MSH6: variants seen among roughly 807,000 people sequenced by gnomAD.
MSH6 encodes the protein DNA mismatch repair protein Msh6.
A neutral mutation model predicts 119.1 loss-of-function variants in MSH6; 85 were observed. The observed-to-expected ratio is 0.71, with a 90% CI of 0.60 to 0.85. The LOEUF (loss-of-function observed/expected upper bound fraction) is 0.85, where lower values mean the gene tolerates loss of function less well. Ranked by LOEUF, MSH6 falls within the 40% of genes least tolerant of loss-of-function variation. The pLI is 0.00. For synonymous variants in MSH6, 830 were observed against 586.9 expected (o/e 1.41, Z -5.99); for missense variants, 2,163 against 1,655.3 (o/e 1.31, Z -5.32).
At chr2:47,787,258 C>G (rs1421456712) in intron 1 of MSH6, among the ~76,000 whole-genome samples, 1 of 152,032 alleles carries the variant, frequency 6.6e-6, no homozygotes, top group Non-Finnish European at 1.5e-5. Context: ...GCCATGCACT[C>G]CAGCCTGGGT....
Position 47,790,978 on chromosome 2 carries a change from C to A in MSH6, c.312C>A (p.Pro104=), listed in dbSNP as rs1558651946. Residue 104 remains proline, a synonymous_variant, in exon 2 of 10, where the codon CCC becomes CCA. Coordinates refer to ENST00000234420, the MANE Select transcript of MSH6 (RefSeq NM_000179.3). ...DLVWAKMEGY[P]WWPCLVYNHP... is the part of the protein sequence containing the mutation. ...TTTGGGCCAAGATGGAGGGTTACCCCTGGTGGCCTTGTCTGGTTTACAACC... is the reference window on the plus strand; with the variant it reads ...TTTGGGCCAAGATGGAGGGTTACCCATGGTGGCCTTGTCTGGTTTACAACC... 1 of 1,614,226 alleles carries A rather than the reference C, an allele frequency of 6.2e-7. No individual in the cohort carries two copies. Among genetic ancestry groups the A allele is most frequent in the Non-Finnish European group, 8.5e-7 (1 of 1,180,054 alleles).
rs1389565996 is a variant in MSH6 at position 47,804,912 on chromosome 2, T to G, written c.3441T>G (p.Ala1147=). ...MGGKSTLMRQ[A]GLLAVMAQMG... ...ACCTTTTCCTCCCTCATTCACAGGC[T>G]GGCTTATTAGCTGTAATGGCCCAGA... Residue 1147 remains alanine, a splice_region_variant and synonymous_variant, in exon 6 of 10, where the codon GCT becomes GCG. Coordinates refer to ENST00000234420, the MANE Select transcript of MSH6 (RefSeq NM_000179.3). 3.7e-6 allele frequency: 6 copies of G among 1,613,142 alleles called. No individual in the cohort carries two copies. Among genetic ancestry groups the G allele is most frequent in the Non-Finnish European group, 5.1e-6 (6 of 1,179,070 alleles).
At chr2:47,793,838 C>G (rs1668907129) in intron 2 of MSH6, among the ~76,000 whole-genome samples, 1 of 151,404 alleles carries the variant, frequency 6.6e-6, no homozygotes, top group Non-Finnish European at 1.5e-5. Context: ...TCAAGCGATT[C>G]TCCTGCCTCT....
intron 4 of MSH6, 140 bp downstream of exon 4, chr2:47,801,295 C>T: frequency 1.3e-6 from 1 of 780,018 alleles, no homozygotes; most frequent in Middle Eastern, 3.9e-4. Context: ...CCTGACTAGG[C>T]TGCCCACAGC....
intron 1 of MSH6, among the ~76,000 whole-genome samples, chr2:47,787,503 T>A (rs865957515): frequency 3.9e-5 from 6 of 152,208 alleles, no homozygotes; most frequent in South Asian, 2.1e-4. Context: ...CTTTTCCTCT[T>A]AACATTTTTC....
chr2:47,783,361 C>T lies in MSH6; in HGVS notation c.128C>T (p.Ser43Phe), dbSNP rs781203386. The T allele has an allele frequency of 6.2e-7, 1 of 1,605,862 alleles. No individual in the cohort carries two copies. Among genetic ancestry groups the T allele is most frequent in the Non-Finnish European group, 8.5e-7 (1 of 1,176,626 alleles). The part of the protein sequence containing the change: ...RAAAAPGASP[S>F]PGGDAAWSEA... ...GCCGCTGCCCCCGGGGCCTCTCCTT[C>T]CCCAGGCGGGGATGCGGCCTGGAGC... The change falls in exon 1 of 10, where the codon TCC (serine) becomes TTC (phenylalanine). Residue 43 changes from serine (S) to phenylalanine (F), a missense_variant. Coordinates refer to ENST00000234420, the MANE Select transcript of MSH6 (RefSeq NM_000179.3).
intron 1 of MSH6, among the ~76,000 whole-genome samples, chr2:47,787,819 T>C (rs1397606268): frequency 1.3e-5 from 2 of 152,152 alleles, no homozygotes; most frequent in Non-Finnish European, 1.5e-5. Flanking sequence ...AAGGTCTCAC[T>C]GTGTAGCCCA....
downstream of MSH6, chr2:47,807,303 T>G (rs1242121136): frequency 4.6e-6 from 1 of 216,624 alleles, no homozygotes; most frequent in Non-Finnish European, 9.3e-6. Context: ...TAGTAGTTTT[T>G]TACCTTTCAC....
rs730881819 is a variant in MSH6, at chr2:47,804,900, T to A, written c.3439-10T>A. 1.4e-5 allele frequency: 23 copies of A among 1,606,270 alleles called. No homozygotes were observed. In the African/African-American group the frequency reaches 2.5e-4, roughly 18 times the overall value. The stretch of plus-strand genomic sequence containing the variant: ...CAGTCATAAAAGACCTTTTCCTCCC[T>A]CATTCACAGGCTGGCTTATTAGCTG... On this transcript the variant is annotated splice_polypyrimidine_tract_variant and intron_variant, in intron 5 of 9. Transcript: ENST00000234420.
rs1553414180 is a variant in MSH6 at position 47,800,800 on chromosome 2, A to G, written c.2817A>G (p.Gln939=). The G allele has an allele frequency of 9.3e-6, 15 of 1,614,176 alleles. No individual in the cohort carries two copies. The highest frequency in any genetic ancestry group is 1.3e-5 in the Non-Finnish European group (15 of 1,180,030). ...CAGGCTTTGACTCTGATTATGACCA[A>G]GCTCTTGCTGACATAAGAGAAAATG... ...PKAGFDSDYD[Q]ALADIRENEQ... Residue 939 remains glutamine (Q), a synonymous_variant, in exon 4 of 10, where the codon CAA becomes CAG. Transcript: ENST00000234420.
chr2:47,787,388 T>C (rs1668410130), intron 1 of MSH6, among the ~76,000 whole-genome samples: 1 of 152,164 alleles, frequency 6.6e-6, no homozygotes, highest in South Asian at 2.1e-4. Context: ...AAAGCAAAAA[T>C]AATGTGATTT....
At chr2:47,802,730 T>C (rs968440549) in intron 4 of MSH6, among the ~76,000 whole-genome samples, 2 of 151,436 alleles carry the variant, frequency 1.3e-5, no homozygotes, top group African/African-American at 4.9e-5. Context: ...AAGTATCTAA[T>C]GGAACAGAAT....
chr2:47,800,714 C>T lies in MSH6; in HGVS notation c.2731C>T (p.Arg911Ter), dbSNP rs63751017. 22 of 1,613,924 alleles carry T rather than the reference C, an allele frequency of 1.4e-5. No individual in the cohort carries two copies. The highest frequency in any genetic ancestry group is 1.4e-5 in the Non-Finnish European group (17 of 1,180,004). The change falls in exon 4 of 10, where the codon CGA (arginine) becomes TGA (stop). Residue 911 changes from arginine to a stop codon, truncating the protein, a stop_gained. Transcript: ENST00000234420. LOFTEE classifies it high-confidence loss of function. The stretch of plus-strand genomic sequence containing the variant: ...TCCTGATTTGACTGTAGAATTGAAC[C>T]GATGGGATACAGCCTTTGACCATGA... ...RFPDLTVELNRWDTAFDHEKA... is the reference protein window; with the variant it reads ...RFPDLTVELN
downstream of MSH6, chr2:47,810,000 T>C (rs1670504158): frequency 2.0e-6 from 1 of 491,458 alleles, no homozygotes; most frequent in Non-Finnish European, 3.6e-6. Flanking sequence ...CTGTTGCAGA[T>C]TTAAACTGGT....
chr2:47,804,989 T>TA lies in MSH6; in HGVS notation c.3518_3519insA (p.Phe1174ValfsTer3). 1.2e-6 allele frequency: 2 copies of TA among 1,613,904 alleles called. No homozygotes were observed. Among genetic ancestry groups the TA allele is most frequent in the Non-Finnish European group, 1.7e-6 (2 of 1,179,948 alleles). The stretch of plus-strand genomic sequence containing the variant: ...TGCAGGCTCACACCAATTGATAGAG[T>TA]GTTTACTAGACTTGGTGCCTCAGAC... On this transcript the variant is annotated frameshift_variant, in exon 6 of 10. Coordinates refer to ENST00000234420, the MANE Select transcript of MSH6 (RefSeq NM_000179.3). LOFTEE classifies it high-confidence loss of function.
intron 1 of MSH6, chr2:47,783,698 A>G: frequency 3.7e-6 from 2 of 539,352 alleles, no homozygotes; most frequent in African/African-American, 2.0e-5. Context: ...GGGTCGGAGG[A>G]GAGAGGCTGT....
intron 2 of MSH6, 79 bp from the exon 3 acceptor site, chr2:47,795,815 G>C (rs2104223989): frequency 8.0e-7 from 1 of 1,246,680 alleles, no homozygotes; most frequent in Non-Finnish European, 1.2e-6. Flanking sequence ...TGTTGCCCAG[G>C]CTGGTCTTGA....
intron 1 of MSH6, among the ~76,000 whole-genome samples, chr2:47,786,099 G>C (rs3136249): frequency 0.14 from 21,805 of 152,222 alleles, 1,775 homozygotes; most frequent in Non-Finnish European, 0.19. Context: ...TGCGGGTCAG[G>C]CTAGGCTCTC....
chr2:47,804,144 GTT>G (rs964491392), intron 5 of MSH6, among the ~76,000 whole-genome samples: 1 of 147,308 alleles, frequency 6.8e-6, no homozygotes, highest in Non-Finnish European at 1.5e-5. Flanking sequence ...TTTTTTTTTT[GTT>G]GTTGCCAAGG....
Sources: allele counts gnomAD v4.1 joint callset (sites outside exome capture counted in the v4.1 genomes callset), GRCh38; gene constraint gnomAD v4.1.1; transcripts MANE v1.5; gene names NCBI Gene and HGNC (gene_info 2026-07-23, HGNC 2026-07-21).